Variants in ZNF131 observed in about 807,000 individuals in gnomAD.
ZNF131 encodes zinc finger and BTB domain containing 35, also known as zinc finger protein 131.
A neutral mutation model predicts 60.0 loss-of-function variants in ZNF131; 7 were observed. The ratio of observed to expected loss-of-function variants is 0.12; its 90% CI spans 0.07 to 0.22. The LOEUF (loss-of-function observed/expected upper bound fraction) is 0.22, where lower values mean the gene tolerates loss of function less well. Ranked by LOEUF, ZNF131 falls within the 10% of genes least tolerant of loss-of-function variation. ZNF131 has a pLI of 1.00. For missense variants in ZNF131, 493 were observed against 740.9 expected (o/e 0.67, Z 3.88); for synonymous variants, 257 against 253.2 (o/e 1.01, Z -0.14).
intron 4 of ZNF131, among the ~76,000 whole-genome samples, chr5:43,146,785 A>G (rs1747637192): frequency 6.6e-6 from 1 of 152,086 alleles, no homozygotes; most frequent in African/African-American, 2.4e-5. Flanking sequence ...GTGCGCCTAT[A>G]GTCCCAGCTA....
chr5:43,162,505 T>G (rs534617245), intron 5 of ZNF131, among the ~76,000 whole-genome samples: 54 of 150,634 alleles, frequency 3.6e-4, no homozygotes, highest in African/African-American at 1.3e-3. Flanking sequence ...GGCAGGGGAA[T>G]TGCTTGAACC....
intron 3 of ZNF131, among the ~76,000 whole-genome samples, chr5:43,128,656 C>CAAAAAAAA (rs1170687481): frequency 2.7e-4 from 19 of 70,124 alleles, no homozygotes; most frequent in South Asian, 6.2e-4. Context: ...GACTCCATCT[C>CAAAAAAAA]AAAAAAAAAA....
intron 4 of ZNF131, among the ~76,000 whole-genome samples, chr5:43,150,070 C>T (rs1408889750): frequency 6.6e-6 from 1 of 152,156 alleles, no homozygotes; most frequent in Non-Finnish European, 1.5e-5. Context: ...TGTTCCCTGT[C>T]CCCCTAGTCC....
chr5:43,125,410 C>T (rs1008978565), intron 3 of ZNF131, among the ~76,000 whole-genome samples: 2 of 151,804 alleles, frequency 1.3e-5, no homozygotes, highest in African/African-American at 4.8e-5. Flanking sequence ...CCACCCGCCT[C>T]TTCCTCCCAA....
intron 4 of ZNF131, among the ~76,000 whole-genome samples, chr5:43,156,482 CTG>C (rs1748977794): frequency 1.3e-5 from 2 of 152,304 alleles, no homozygotes; most frequent in Non-Finnish European, 1.5e-5. Context: ...AGAAAAGTGA[CTG>C]TGCCAATAAG....
At chr5:43,162,962 TATTTGCC>T (rs1561439694) in intron 5 of ZNF131, among the ~76,000 whole-genome samples, 12 of 121,550 alleles carry the variant, frequency 9.9e-5, no homozygotes, top group African/African-American at 2.3e-4. Context: ...TCTTTTCTTT[TATTTGCC>T]TTTTTTTTTT....
At chr5:43,160,144 C>G (rs1749475858) in intron 4 of ZNF131, among the ~76,000 whole-genome samples, 1 of 151,404 alleles carries the variant, frequency 6.6e-6, no homozygotes, top group Admixed American at 6.6e-5. Flanking sequence ...CCACTGCACT[C>G]CAGCCTGGGT....
chr5:43,138,798 C>T (rs557385165), intron 3 of ZNF131, among the ~76,000 whole-genome samples: 1 of 152,088 alleles, frequency 6.6e-6, no homozygotes, highest in African/African-American at 2.4e-5. Flanking sequence ...CAGAGAGGTA[C>T]TAAATTTTGT....
chr5:43,142,161 G>A (rs1746923284), intron 4 of ZNF131, among the ~76,000 whole-genome samples: 1 of 151,584 alleles, frequency 6.6e-6, no homozygotes, highest in African/African-American at 2.4e-5. Context: ...CCAAGACGGT[G>A]AAACCCCATC....
chr5:43,151,499 A>G (rs536239022), intron 4 of ZNF131, among the ~76,000 whole-genome samples: 10 of 152,134 alleles, frequency 6.6e-5, no homozygotes, highest in African/African-American at 1.9e-4. Flanking sequence ...CAGTGACGCA[A>G]TCTCAGTTCG....
chr5:43,169,230 A>G (rs890468208), intron 5 of ZNF131, among the ~76,000 whole-genome samples: 3 of 152,198 alleles, frequency 2.0e-5, no homozygotes, highest in African/African-American at 7.2e-5. Flanking sequence ...TACCTACTTT[A>G]TAGGGTTGTG....
intron 4 of ZNF131, among the ~76,000 whole-genome samples, chr5:43,147,463 G>T (rs1233882373): frequency 6.6e-6 from 1 of 151,448 alleles, no homozygotes; most frequent in African/African-American, 2.4e-5. Context: ...TGTCGCCCAG[G>T]CTAGAGTGCA....
At chr5:43,146,386 A>T (rs1183237775) in intron 4 of ZNF131, among the ~76,000 whole-genome samples, 1 of 152,128 alleles carries the variant, frequency 6.6e-6, no homozygotes, top group Non-Finnish European at 1.5e-5. Flanking sequence ...GGAGATCGAG[A>T]CCATCCTGGC....
intron 5 of ZNF131, among the ~76,000 whole-genome samples, chr5:43,166,742 G>C (rs942493448): frequency 6.6e-6 from 1 of 151,920 alleles, no homozygotes; most frequent in African/African-American, 2.4e-5. Flanking sequence ...TGCAACCTCT[G>C]CCTCCCGGGT....
chr5:43,173,109 TATATACAGTTAA>T (rs1299787740), intron 5 of ZNF131, 197 bp from the exon 6 acceptor site: 2 of 423,702 alleles, frequency 4.7e-6, no homozygotes, highest in Non-Finnish European at 8.4e-6. Context: ...TGTCAAAGCA[TATATACAGTTAA>T]ATATTAAATT....
At chr5:43,134,430 TTC>T (rs1170891768) in intron 3 of ZNF131, among the ~76,000 whole-genome samples, 1 of 152,156 alleles carries the variant, frequency 6.6e-6, no homozygotes, top group African/African-American at 2.4e-5. Flanking sequence ...TGACACTTTT[TTC>T]TCTAAGATCA....
chr5:43,166,794 A>G (rs1427513304), intron 5 of ZNF131, among the ~76,000 whole-genome samples: 1 of 151,816 alleles, frequency 6.6e-6, no homozygotes, highest in Non-Finnish European at 1.5e-5. Context: ...AGCTGGGATT[A>G]CAGGCACCCA....
chr5:43,125,971 A>G (rs1265934283), intron 3 of ZNF131, among the ~76,000 whole-genome samples: 1 of 152,156 alleles, frequency 6.6e-6, no homozygotes, highest in Admixed American at 6.5e-5. Flanking sequence ...ATAGACACAC[A>G]CTTTATTTCT....
intron 4 of ZNF131, among the ~76,000 whole-genome samples, chr5:43,141,024 A>C (rs879358839): frequency 6.6e-6 from 1 of 152,052 alleles, no homozygotes; most frequent in African/African-American, 2.4e-5. Flanking sequence ...TGGCCGAATA[A>C]AAGTTTTTTT....
Sources: gnomAD v4.1 joint callset for allele counts (sites outside exome capture counted in the v4.1 genomes callset) on GRCh38, gnomAD v4.1.1 for gene constraint, MANE v1.5 for transcripts, NCBI Gene and HGNC (gene_info 2026-07-23, HGNC 2026-07-21) for gene names.